KLRD1: variants seen among roughly 807,000 people sequenced by gnomAD.
KLRD1 encodes natural killer cells antigen CD94.
KLRD1 carries 21 observed loss-of-function variants against 22.6 expected under a neutral mutation model. The observed-to-expected ratio is 0.93, with a 90% CI of 0.66 to 1.34. KLRD1 has a LOEUF of 1.34. KLRD1 is among the 40% of genes most tolerant of loss of function. The probability of loss-of-function intolerance (pLI) is 0.00; values close to 1 mark genes in which losing one functional copy is unlikely to be tolerated. For missense variants in KLRD1, 183 were observed against 208.6 expected (o/e 0.88, Z 0.76); for synonymous variants, 59 against 71.1 (o/e 0.83, Z 0.85).
At chr12:10,282,891 C>A (rs1045490903) in intron 1 of KLRD1, among the ~76,000 whole-genome samples, 1 of 152,080 alleles carries the variant, frequency 6.6e-6, no homozygotes. Flanking sequence ...AGCATTGGGG[C>A]TAGATCAGAG....
At chr12:10,242,017 A>G (rs926588503) in intron 1 of KLRD1, among the ~76,000 whole-genome samples, 4 of 146,962 alleles carry the variant, frequency 2.7e-5, no homozygotes, top group Non-Finnish European at 4.5e-5. Context: ...TGAACTGGAG[A>G]AACTTCTCCC....
intron 1 of KLRD1, among the ~76,000 whole-genome samples, chr12:10,248,530 T>C (rs968018130): frequency 4.1e-5 from 4 of 96,586 alleles, no homozygotes; most frequent in Non-Finnish European, 8.3e-5. Context: ...TGTATTTTCT[T>C]TTCCTTCCTT....
chr12:10,253,410 TC>T (rs1949363085), intron 1 of KLRD1, among the ~76,000 whole-genome samples: 2 of 74,286 alleles, frequency 2.7e-5, no homozygotes, highest in Middle Eastern at 9.4e-3. Flanking sequence ...TTTCACAGTG[TC>T]TTTTTTTTCT....
At chr12:10,254,808 A>T (rs1949378910) in intron 1 of KLRD1, among the ~76,000 whole-genome samples, 1 of 150,688 alleles carries the variant, frequency 6.6e-6, no homozygotes, top group Admixed American at 6.6e-5. Context: ...CAGGAGAATC[A>T]CTTGAACCCA....
intron 1 of KLRD1, among the ~76,000 whole-genome samples, chr12:10,245,780 A>G (rs1181300779): frequency 6.6e-6 from 1 of 152,120 alleles, no homozygotes; most frequent in Non-Finnish European, 1.5e-5. Context: ...TTCCTATTAT[A>G]GTTTCTCTCT....
chr12:10,311,116 A>G (rs529525301), intron 3 of KLRD1, among the ~76,000 whole-genome samples: 159 of 152,270 alleles, frequency 1.0e-3, no homozygotes, highest in Middle Eastern at 6.8e-3. Context: ...GTTTTGAGTC[A>G]CTTCCTCAAA....
intron 1 of KLRD1, among the ~76,000 whole-genome samples, chr12:10,287,410 A>G (rs1949717790): frequency 1.3e-5 from 2 of 152,184 alleles, no homozygotes; most frequent in South Asian, 4.1e-4. Context: ...TCTCACAGAT[A>G]GGTTGCAAAA....
At chr12:10,259,748 G>A (rs1249012318) in intron 1 of KLRD1, among the ~76,000 whole-genome samples, 5 of 152,118 alleles carry the variant, frequency 3.3e-5, no homozygotes, top group African/African-American at 7.2e-5. Flanking sequence ...GACGGATCAC[G>A]TGAAGTTGGG....
At chr12:10,245,409 C>A (rs1008608274) in intron 1 of KLRD1, among the ~76,000 whole-genome samples, 1 of 152,028 alleles carries the variant, frequency 6.6e-6, no homozygotes, top group South Asian at 2.1e-4. Context: ...AGCTCAATTC[C>A]GCCTAGCTAG....
intron 1 of KLRD1, among the ~76,000 whole-genome samples, chr12:10,250,028 A>G (rs765790): frequency 6.6e-6 from 1 of 151,942 alleles, no homozygotes. Context: ...CTTGTTGTAC[A>G]TACGTTGTCC....
At position 10,320,515 on chromosome 12, in the gene KLRD1, G is replaced by A. The variant is rs1219684035; in HGVS notation, c.*5722G>A. On this transcript the variant is annotated 3_prime_UTR_variant, in exon 6 of 6. Transcript: ENST00000336164. ...AATGCTCTAAACTTATTTCCAACTA[G>A]AGTGTTGAATATCTTGTCTGATTTC... is the stretch of plus-strand genomic sequence containing the variant. 6.6e-6 allele frequency: 1 copy of A among 152,206 alleles called. No homozygotes were observed. Among genetic ancestry groups the A allele is most frequent in the Non-Finnish European group, 1.5e-5 (1 of 68,038 alleles). The allele number at this position is 152,206 out of a possible 1,614,324, so 9.4% of individuals were successfully genotyped here.
At chr12:10,261,940 T>G (rs1332603397) in intron 1 of KLRD1, among the ~76,000 whole-genome samples, 1 of 152,156 alleles carries the variant, frequency 6.6e-6, no homozygotes, top group Non-Finnish European at 1.5e-5. Flanking sequence ...GTGACCAGAT[T>G]CCCTTTAGTT....
Position 10,327,787 on chromosome 12 carries a change from A to T in KLRD1, c.*12994A>T, listed in dbSNP as rs929097502. The T allele has an allele frequency of 6.6e-6, 1 of 152,208 alleles. No individual in the cohort carries two copies. Among genetic ancestry groups the T allele is most frequent in the African/African-American group, 2.4e-5 (1 of 41,466 alleles). 9.4% of individuals were successfully genotyped at this position (152,208 alleles called of 1,614,324 possible). A position where few individuals can be genotyped will look rare whatever the true frequency, so the allele number is the denominator to read the frequency against. On this transcript the variant is annotated 3_prime_UTR_variant, in exon 6 of 6. Coordinates refer to ENST00000336164, the MANE Select transcript of KLRD1 (RefSeq NM_002262.5). ...TCAGCTTTTTCCATAGCATGATATT[A>T]GCTATGCACTTTACATATAGGGCCT... is the stretch of plus-strand genomic sequence containing the variant.
chr12:10,262,936 T>A (rs1408211532), intron 1 of KLRD1, among the ~76,000 whole-genome samples: 1 of 152,088 alleles, frequency 6.6e-6, no homozygotes, highest in Non-Finnish European at 1.5e-5. Flanking sequence ...TGTTTGTATA[T>A]ATGATTGATG....
chr12:10,276,448 A>G (rs111277843), intron 1 of KLRD1, among the ~76,000 whole-genome samples: 1,819 of 152,256 alleles, frequency 0.012, 37 homozygotes, highest in African/African-American at 0.042. Flanking sequence ...CACTTCCTGT[A>G]AGAGAGATGG....
intron 1 of KLRD1, among the ~76,000 whole-genome samples, chr12:10,272,202 AC>A (rs2137645406): frequency 6.6e-6 from 1 of 152,302 alleles, no homozygotes; most frequent in East Asian, 1.9e-4. Context: ...TCTAATTCTC[AC>A]TAAATAAATT....
At chr12:10,250,970 C>G (rs1565447773) in intron 1 of KLRD1, among the ~76,000 whole-genome samples, 1 of 152,082 alleles carries the variant, frequency 6.6e-6, no homozygotes, top group Non-Finnish European at 1.5e-5. Context: ...CCATCATTAT[C>G]AACGACTTAT....
At chr12:10,271,633 G>GTCTGA (rs1949550448) in intron 1 of KLRD1, among the ~76,000 whole-genome samples, 1 of 151,918 alleles carries the variant, frequency 6.6e-6, no homozygotes, top group Middle Eastern at 3.2e-3. Flanking sequence ...GAACTTTGAG[G>GTCTGA]TCTGAGTATA....
rs1338705456 is a variant in KLRD1 at position 10,326,461 on chromosome 12, A to C, written c.*11668A>C. ...ACATTTTAGGGAGACATGAGACATCAATCAACATATGTAAAATGAACAGTG... is the reference window on the plus strand; with the variant it reads ...ACATTTTAGGGAGACATGAGACATCCATCAACATATGTAAAATGAACAGTG... On this transcript the variant is annotated 3_prime_UTR_variant, in exon 6 of 6. Coordinates refer to ENST00000336164, the MANE Select transcript of KLRD1 (RefSeq NM_002262.5). 1 of 152,252 alleles carries C rather than the reference A, an allele frequency of 6.6e-6. No individual in the cohort carries two copies. The highest frequency in any genetic ancestry group is 1.5e-5 in the Non-Finnish European group (1 of 68,068). 9.4% of individuals were successfully genotyped at this position (152,252 alleles called of 1,614,324 possible).
Sources: gnomAD v4.1 joint callset for allele counts (sites outside exome capture counted in the v4.1 genomes callset) on GRCh38, gnomAD v4.1.1 for gene constraint, MANE v1.5 for transcripts, NCBI Gene and HGNC (gene_info 2026-07-23, HGNC 2026-07-21) for gene names.